Variants in RFX3 observed in about 807,000 individuals in gnomAD.
The protein encoded by RFX3 is transcription factor RFX3.
A neutral mutation model predicts 98.6 loss-of-function variants in RFX3; 14 were observed. That is an observed-to-expected ratio of 0.14 (90% confidence interval 0.09 to 0.22). The LOEUF (loss-of-function observed/expected upper bound fraction) is 0.22, where lower values mean the gene tolerates loss of function less well. RFX3 is among the 10% of genes least tolerant of loss of function. RFX3 has a pLI of 1.00. For missense variants in RFX3, 639 were observed against 926.9 expected (o/e 0.69, Z 4.03); for synonymous variants, 383 against 328.4 (o/e 1.17, Z -1.80).
chr9:3,280,927 CATTA>C (rs1233230981), intron 7 of RFX3, among the ~76,000 whole-genome samples: 1 of 151,548 alleles, frequency 6.6e-6, no homozygotes, highest in Non-Finnish European at 1.5e-5. Context: ...CAAAATAAGT[CATTA>C]ATTTTTAACT....
At chr9:3,426,609 C>G (rs144189101) in intron 1 of RFX3, among the ~76,000 whole-genome samples, 64 of 152,262 alleles carry the variant, frequency 4.2e-4, no homozygotes, top group African/African-American at 1.5e-3. Flanking sequence ...TGCCTGAGCT[C>G]TGCCTCCTGT....
At chr9:3,272,026 T>G (rs1425995639) in intron 9 of RFX3, among the ~76,000 whole-genome samples, 3 of 152,136 alleles carry the variant, frequency 2.0e-5, no homozygotes, top group African/African-American at 7.2e-5. Context: ...CCCAGATGCA[T>G]CTAAGACTTT....
At chr9:3,447,012 A>G (rs1318804874) in intron 1 of RFX3, among the ~76,000 whole-genome samples, 1 of 152,154 alleles carries the variant, frequency 6.6e-6, no homozygotes, top group Non-Finnish European at 1.5e-5. Context: ...ACAACAAAGC[A>G]TTACTTATTC....
chr9:3,388,149 A>C (rs1711906841), intron 2 of RFX3, among the ~76,000 whole-genome samples: 1 of 152,140 alleles, frequency 6.6e-6, no homozygotes. Context: ...GAATATGGCA[A>C]ACAGAAGTGA....
intron 1 of RFX3, among the ~76,000 whole-genome samples, chr9:3,447,708 G>T (rs927700916): frequency 6.6e-6 from 1 of 152,232 alleles, no homozygotes. Context: ...TGCATGAAGG[G>T]ATAATAGTCT....
chr9:3,510,646 A>G (rs1484107215), intron 1 of RFX3, among the ~76,000 whole-genome samples: 1 of 152,102 alleles, frequency 6.6e-6, no homozygotes, highest in Non-Finnish European at 1.5e-5. Context: ...AAGGTATCTA[A>G]AAGCACAGAA....
At chr9:3,319,673 TA>T (rs1238594028) in intron 4 of RFX3, among the ~76,000 whole-genome samples, 1 of 152,168 alleles carries the variant, frequency 6.6e-6, no homozygotes, top group African/African-American at 2.4e-5. Context: ...TAGTTGAAAC[TA>T]ACCCTAAAAA....
rs572245179 is a variant in RFX3, at chr9:3,370,977, C to G, written c.118-24213G>C. ...CCAAGAATGTAATTAAAAGCAAAGA[C>G]TCTTGAAATTACTGTTGTAACATAA... On this transcript the variant is annotated intron_variant, in intron 2 of 16. Coordinates refer to ENST00000617270, the MANE Select transcript of RFX3 (RefSeq NM_001282116.2). 5.3e-5 allele frequency among the ~76,000 whole-genome samples: 8 copies of G among 152,110 alleles called. No homozygotes were observed. In the South Asian group the frequency reaches 1.7e-3, roughly 32 times the overall value.
chr9:3,285,817 C>T (rs1024831048), intron 7 of RFX3, among the ~76,000 whole-genome samples: 6 of 151,644 alleles, frequency 4.0e-5, no homozygotes, highest in Non-Finnish European at 8.9e-5. Context: ...GAAATGTCTC[C>T]ATATTTTATC....
intron 1 of RFX3, among the ~76,000 whole-genome samples, chr9:3,442,116 C>T (rs893452173): frequency 3.9e-5 from 6 of 152,104 alleles, no homozygotes; most frequent in African/African-American, 1.4e-4. Context: ...AGGAGAAACG[C>T]TTGAACCCGG....
chr9:3,341,268 G>A (rs1281149477), intron 3 of RFX3, among the ~76,000 whole-genome samples: 1 of 151,996 alleles, frequency 6.6e-6, no homozygotes, highest in Non-Finnish European at 1.5e-5. Context: ...GTTGGGGGAT[G>A]GGGGAGGGAT....
intron 13 of RFX3, among the ~76,000 whole-genome samples, chr9:3,258,059 G>T (rs180915703): frequency 1.1e-3 from 173 of 152,160 alleles, no homozygotes; most frequent in African/African-American, 4.0e-3. Context: ...TAATTCTTTG[G>T]TAACGTAATA....
chr9:3,352,849 T>G (rs1193612155), intron 2 of RFX3, among the ~76,000 whole-genome samples: 1 of 152,036 alleles, frequency 6.6e-6, no homozygotes, highest in Non-Finnish European at 1.5e-5. Context: ...AATGATGGTC[T>G]CACTGAGATA....
chr9:3,504,885 A>C (rs1313432788), intron 1 of RFX3, among the ~76,000 whole-genome samples: 8 of 65,434 alleles, frequency 1.2e-4, no homozygotes, highest in African/African-American at 7.5e-4. Context: ...TATATTATAT[A>C]TAATATAACA....
intron 9 of RFX3, among the ~76,000 whole-genome samples, chr9:3,271,602 C>T (rs986826029): frequency 2.7e-5 from 4 of 150,356 alleles, no homozygotes; most frequent in Admixed American, 6.7e-5. Context: ...CTTCTTTCTG[C>T]CTCTATAGTT....
At chr9:3,287,595 TCATCCGTCCATC>T (rs961050075) in intron 7 of RFX3, among the ~76,000 whole-genome samples, 3 of 151,940 alleles carry the variant, frequency 2.0e-5, no homozygotes, top group African/African-American at 7.2e-5. Flanking sequence ...ATGATTCTAT[TCATCCGTCCATC>T]CATCCGTCCA....
At chr9:3,434,529 T>C (rs910557654) in intron 1 of RFX3, among the ~76,000 whole-genome samples, 4 of 152,138 alleles carry the variant, frequency 2.6e-5, no homozygotes, top group Non-Finnish European at 4.4e-5. Context: ...TCCACAATGA[T>C]CATCTTGTAT....
intron 1 of RFX3, among the ~76,000 whole-genome samples, chr9:3,520,276 C>T (rs1244156721): frequency 6.6e-6 from 1 of 152,104 alleles, no homozygotes; most frequent in African/African-American, 2.4e-5. Flanking sequence ...AACTACTATG[C>T]CTTGTAAGCT....
At chr9:3,273,348 G>C (rs973764655) in intron 9 of RFX3, among the ~76,000 whole-genome samples, 10 of 152,112 alleles carry the variant, frequency 6.6e-5, no homozygotes, top group African/African-American at 2.4e-4. Flanking sequence ...GGATCATTCT[G>C]TGGACTGCCA....
Sources: allele counts gnomAD v4.1 joint callset (sites outside exome capture counted in the v4.1 genomes callset), GRCh38; gene constraint gnomAD v4.1.1; transcripts MANE v1.5; gene names NCBI Gene and HGNC (gene_info 2026-07-23, HGNC 2026-07-21).